The following PTPRD variants were observed in gnomAD, a reference collection of about 807,000 sequenced individuals.
PTPRD encodes receptor-type tyrosine-protein phosphatase delta.
PTPRD carries 34 observed loss-of-function variants against 214.5 expected under a neutral mutation model. That is an observed-to-expected ratio of 0.16 (90% CI 0.12 to 0.21). The LOEUF is 0.21. Among genes scored for constraint, PTPRD ranks in the 10% least tolerant of loss-of-function variants. The pLI is 1.00. For missense variants in PTPRD, 2,545 were observed against 2,398.7 expected, an observed-to-expected ratio of 1.06 and a Z score of -1.27; for synonymous variants, 1,128 against 845.7, an observed-to-expected ratio of 1.33 and a Z score of -5.79.
At chr9:10,025,316 C>A (rs544704642) in intron 4 of PTPRD, among the ~76,000 whole-genome samples, 3 of 152,142 alleles carry the variant, frequency 2.0e-5, no homozygotes, top group African/African-American at 7.2e-5. Context: ...TTTTAATGAT[C>A]GCCATTCTAA....
At chr9:8,485,368 C>G (rs2096976873) in intron 28 of PTPRD, 44 bp from the exon 29 acceptor site, 24 of 1,388,036 alleles carry the variant, frequency 1.7e-5, no homozygotes, top group Middle Eastern at 1.8e-4. Flanking sequence ...ATTCTTAAAA[C>G]AGATGACCTG....
chr9:10,407,763 G>C (rs2098387727), intron 2 of PTPRD, among the ~76,000 whole-genome samples: 1 of 151,582 alleles, frequency 6.6e-6, no homozygotes, highest in Admixed American at 6.6e-5. Flanking sequence ...TAACCTGCTA[G>C]ATTACCTGCT....
At chr9:8,752,206 G>C (rs1002023641) in intron 11 of PTPRD, among the ~76,000 whole-genome samples, 8 of 152,078 alleles carry the variant, frequency 5.3e-5, no homozygotes, top group Non-Finnish European at 8.8e-5. Flanking sequence ...TAGGAGGTCC[G>C]CACAAGATAC....
At chr9:8,381,204 A>G (rs1468799844) in intron 37 of PTPRD, among the ~76,000 whole-genome samples, 1 of 152,214 alleles carries the variant, frequency 6.6e-6, no homozygotes, top group African/African-American at 2.4e-5. Flanking sequence ...AACATTAGAT[A>G]ACACAAGTCA....
At chr9:9,966,480 G>A (rs2094709607) in intron 4 of PTPRD, among the ~76,000 whole-genome samples, 1 of 152,022 alleles carries the variant, frequency 6.6e-6, no homozygotes, top group Non-Finnish European at 1.5e-5. Context: ...AGAGCTAAGG[G>A]GTTTCAATGT....
At chr9:10,238,804 G>A (rs141132959) in intron 3 of PTPRD, among the ~76,000 whole-genome samples, 1 of 151,916 alleles carries the variant, frequency 6.6e-6, no homozygotes, top group Admixed American at 6.6e-5. Context: ...ATTGAATAAT[G>A]TTTAAGGTGA....
At chr9:8,765,851 G>C (rs1488996563) in intron 11 of PTPRD, among the ~76,000 whole-genome samples, 2 of 152,154 alleles carry the variant, frequency 1.3e-5, no homozygotes, top group African/African-American at 4.8e-5. Context: ...CTTTTCAGCT[G>C]TTTGATATTG....
At chr9:9,922,314 C>T (rs1034364860) in intron 5 of PTPRD, among the ~76,000 whole-genome samples, 1 of 152,120 alleles carries the variant, frequency 6.6e-6, no homozygotes, top group African/African-American at 2.4e-5. Flanking sequence ...GTATACTATT[C>T]TGTGAATAAA....
intron 2 of PTPRD, among the ~76,000 whole-genome samples, chr9:10,496,578 T>C (rs2133000331): frequency 6.6e-6 from 1 of 151,662 alleles, no homozygotes; most frequent in South Asian, 2.1e-4. Context: ...ACCAACAGTG[T>C]ATTAGCCTTC....
At chr9:9,959,583 T>C (rs1267333229) in intron 4 of PTPRD, among the ~76,000 whole-genome samples, 1 of 152,158 alleles carries the variant, frequency 6.6e-6, no homozygotes. Context: ...ATGAAAAACC[T>C]CACTGAAGAG....
At chr9:8,345,518 C>A (rs576937729) in intron 39 of PTPRD, among the ~76,000 whole-genome samples, 18 of 152,080 alleles carry the variant, frequency 1.2e-4, no homozygotes, top group Middle Eastern at 3.4e-3. Flanking sequence ...AGCTTTCTAT[C>A]CTTGGTTTTA....
intron 2 of PTPRD, among the ~76,000 whole-genome samples, chr9:10,422,080 C>T (rs865820744): frequency 6.6e-6 from 1 of 151,928 alleles, no homozygotes; most frequent in Non-Finnish European, 1.5e-5. Context: ...GATACAGTAA[C>T]CAAAACAGCG....
intron 9 of PTPRD, among the ~76,000 whole-genome samples, chr9:9,304,693 ATATATAATAC>A (rs1956555588): frequency 6.6e-6 from 1 of 150,824 alleles, no homozygotes; most frequent in South Asian, 2.1e-4. Flanking sequence ...AATATATAAT[ATATATAATAC>A]TATATAATCT....
At chr9:9,890,693 A>C (rs1309492727) in intron 5 of PTPRD, among the ~76,000 whole-genome samples, 1 of 151,968 alleles carries the variant, frequency 6.6e-6, no homozygotes, top group Admixed American at 6.6e-5. Flanking sequence ...ACTCTGTGCA[A>C]AAGGTAGGGA....
At chr9:10,094,734 G>A (rs148874271) in intron 3 of PTPRD, among the ~76,000 whole-genome samples, 1 of 151,202 alleles carries the variant, frequency 6.6e-6, no homozygotes, top group Non-Finnish European at 1.5e-5. Flanking sequence ...TTAAAATAAT[G>A]GCTCTCATGG....
In PTPRD at chr9:9,986,341, G is replaced by C. The variant is rs116067450; in HGVS notation, c.-472+47377C>G. On this transcript the variant is annotated intron_variant, in intron 4 of 45. Coordinates refer to ENST00000381196, the MANE Select transcript of PTPRD (RefSeq NM_002839.4). ...ATAGTGATGAAGTGAGATAGACTAA[G>C]TGTCTATCAACAGGAAATTAAATAA... Among the ~76,000 whole-genome samples the C allele has an allele frequency of 7.5e-3, 1,135 of 152,188 alleles. 20 individuals carry two copies. Among genetic ancestry groups the C allele is most frequent in the African/African-American group, 0.026 (1,077 of 41,538 alleles).
chr9:10,010,027 G>A (rs911254859), intron 4 of PTPRD, among the ~76,000 whole-genome samples: 1 of 151,902 alleles, frequency 6.6e-6, no homozygotes. Flanking sequence ...CCTTGGCCGA[G>A]AGGAGGGGTC....
At chr9:8,434,285 A>C (rs1184097387) in intron 35 of PTPRD, among the ~76,000 whole-genome samples, 1 of 152,116 alleles carries the variant, frequency 6.6e-6, no homozygotes, top group Admixed American at 6.6e-5. Flanking sequence ...CCAGCCTAAA[A>C]ATCTTTTTTA....
rs2063116581 is a variant in PTPRD at position 9,862,962 on chromosome 9, T to C, written c.-368+75545A>G. Among the ~76,000 whole-genome samples the C allele has an allele frequency of 4.6e-5, 7 of 151,554 alleles. No homozygotes were observed. In the South Asian group the frequency reaches 1.5e-3, roughly 32 times the overall value. ...TTCATAAAATAGTTTGTAAACTTTT[T>C]CAACCATTATTTCTTCAATAATATA... On this transcript the variant is annotated intron_variant, in intron 5 of 45. Coordinates refer to ENST00000381196, the MANE Select transcript of PTPRD (RefSeq NM_002839.4).
Sources: gnomAD v4.1 joint callset for allele counts (sites outside exome capture counted in the v4.1 genomes callset) on GRCh38, gnomAD v4.1.1 for gene constraint, MANE v1.5 for transcripts, NCBI Gene and HGNC (gene_info 2026-07-23, HGNC 2026-07-21) for gene names.